Variants in METTL21C observed in about 807,000 individuals in gnomAD.
The protein encoded by METTL21C is methyltransferase 21C, AARS1 lysine, also known as protein-lysine methyltransferase METTL21C.
METTL21C carries 21 observed loss-of-function variants against 25.9 expected under a neutral mutation model. That is an observed-to-expected ratio of 0.81 (90% confidence interval 0.58 to 1.17). The LOEUF (loss-of-function observed/expected upper bound fraction) is 1.17. Ranked by LOEUF, METTL21C falls within the 50% of genes most tolerant of loss-of-function variation. The pLI is 0.00. For synonymous variants in METTL21C, 125 were observed against 124.7 expected (o/e 1.00, Z -0.01); for missense variants, 312 against 315.1 (o/e 0.99, Z 0.07).
upstream of METTL21C, among the ~76,000 whole-genome samples, chr13:102,699,847 C>T (rs1402075617): frequency 6.6e-6 from 1 of 152,160 alleles, no homozygotes; most frequent in Admixed American, 6.5e-5. Flanking sequence ...TGGGGGAGTC[C>T]CCTGAGAGCA....
At chr13:102,703,975 G>A in the METTL21C span, among the ~76,000 whole-genome samples, 2 of 152,090 alleles carry the variant, frequency 1.3e-5, no homozygotes, top group African/African-American at 4.8e-5. Flanking sequence ...AGACTTTATG[G>A]CTATCACATT....
At chr13:102,703,377 G>A in the METTL21C span, among the ~76,000 whole-genome samples, 2 of 152,230 alleles carry the variant, frequency 1.3e-5, no homozygotes, top group African/African-American at 2.4e-5. Flanking sequence ...TGCTGCCACA[G>A]TTAATTCATT....
chr13:102,696,154 C>T (rs1885943955), upstream of METTL21C, among the ~76,000 whole-genome samples: 1 of 151,878 alleles, frequency 6.6e-6, no homozygotes, highest in East Asian at 1.9e-4. Context: ...GAAACATGTA[C>T]CTCTTTAACC....
At chr13:102,701,730 G>A in the METTL21C span, among the ~76,000 whole-genome samples, 1 of 152,114 alleles carries the variant, frequency 6.6e-6, no homozygotes, top group Non-Finnish European at 1.5e-5. Flanking sequence ...ATATTAGTGG[G>A]AGCTGATAAA....
chr13:102,693,434 T>TCCCTG (rs776175726), intron 1 of METTL21C, among the ~76,000 whole-genome samples: 46 of 152,250 alleles, frequency 3.0e-4, no homozygotes, highest in Non-Finnish European at 6.0e-4. Flanking sequence ...CCTGCCGGCT[T>TCCCTG]CCCTGCCCTG....
chr13:102,693,676 C>G (rs1240018893), intron 1 of METTL21C, among the ~76,000 whole-genome samples: 1 of 152,186 alleles, frequency 6.6e-6, no homozygotes, highest in East Asian at 1.9e-4. Flanking sequence ...GGTTCTACAA[C>G]GATAAAGAAA....
At chr13:102,692,352 C>A (rs16960401) in intron 1 of METTL21C, among the ~76,000 whole-genome samples, 22,397 of 152,020 alleles carry the variant, frequency 0.15, 2,464 homozygotes, top group African/African-American at 0.31. Context: ...GAACAGTTCC[C>A]TGCCACTGCT....
rs189649442 is a variant in METTL21C at position 102,689,744 on chromosome 13, C to T, written c.282+1069G>A. On this transcript the variant is annotated intron_variant, in intron 2 of 3. Transcript: ENST00000267273. ...TGCACCCCAGTCGGGAGCTTTACCA[C>T]GCCAGCAGACTGGCCTGCGTTCCCA... Among the ~76,000 whole-genome samples, 7 of 152,324 alleles carry T rather than the reference C, an allele frequency of 4.6e-5. No individual in the cohort carries two copies. The East Asian group carries it at 5.8e-4, about 13-fold the overall frequency.
upstream of METTL21C, among the ~76,000 whole-genome samples, chr13:102,699,778 C>T (rs941419616): frequency 6.6e-6 from 1 of 151,208 alleles, no homozygotes; most frequent in Non-Finnish European, 1.5e-5. Flanking sequence ...TCCTGTCTGT[C>T]AAATGGTCCA....
intron 2 of METTL21C, 92 bp downstream of exon 2, chr13:102,690,721 G>A: frequency 6.9e-7 from 1 of 1,451,026 alleles, no homozygotes; most frequent in Non-Finnish European, 9.3e-7. Flanking sequence ...AGCAGGATAT[G>A]AAGGAACTTG....
intron 2 of METTL21C, among the ~76,000 whole-genome samples, chr13:102,690,416 A>G (rs546580959): frequency 2.7e-5 from 4 of 148,016 alleles, no homozygotes; most frequent in African/African-American, 9.9e-5. Context: ...GTGAGACTCC[A>G]TCTCAAAAGA....
At chr13:102,702,305 A>C in the METTL21C span, among the ~76,000 whole-genome samples, 4 of 152,144 alleles carry the variant, frequency 2.6e-5, no homozygotes, top group African/African-American at 4.8e-5. Context: ...TTCATTATTT[A>C]TACATAATAC....
intron 1 of METTL21C, 37 bp downstream of exon 1, chr13:102,694,332 T>C: frequency 6.3e-7 from 1 of 1,586,292 alleles, no homozygotes; most frequent in South Asian, 1.1e-5. Context: ...GGAAAACAAC[T>C]GAGGAAAACT....
chr13:102,701,278 C>G, the METTL21C span, among the ~76,000 whole-genome samples: 2 of 152,072 alleles, frequency 1.3e-5, no homozygotes, highest in Non-Finnish European at 2.9e-5. Context: ...AAATAAGTGG[C>G]CTAGATGCGC....
chr13:102,694,464 C>T lies in METTL21C; in HGVS notation c.35G>A (p.Gly12Glu), dbSNP rs1367057351. 6.9e-7 allele frequency: 1 copy of T among 1,457,420 alleles called. No homozygotes were observed. Among genetic ancestry groups the T allele is most frequent in the Non-Finnish European group, 9.0e-7 (1 of 1,112,090 alleles). 90.3% of individuals were successfully genotyped at this position (1,457,420 alleles called of 1,614,324 possible). ...GGAGCTGAGTCCTTCCCCCCGGCGCCCAGGCTGCTGCGCGGAGCTCAGACA... is the reference window on the plus strand; with the variant it reads ...GGAGCTGAGTCCTTCCCCCCGGCGCTCAGGCTGCTGCGCGGAGCTCAGACA... ...DVCLSSAQQP[G>E]RRGEGLSSPG... Residue 12 changes from glycine to glutamate, a missense_variant, in exon 1 of 4, where the codon GGG (glycine) becomes GAG (glutamate). Coordinates refer to ENST00000267273, the MANE Select transcript of METTL21C (RefSeq NM_001010977.3).
chr13:102,701,950 A>T, the METTL21C span, among the ~76,000 whole-genome samples: 350 of 152,178 alleles, frequency 2.3e-3, no homozygotes, highest in African/African-American at 8.2e-3. Flanking sequence ...AAATCACTTG[A>T]GATCAGGAGT....
chr13:102,687,368 C>A (rs1046437217), intron 2 of METTL21C, among the ~76,000 whole-genome samples: 1 of 152,232 alleles, frequency 6.6e-6, no homozygotes, highest in Non-Finnish European at 1.5e-5. Context: ...AGAACAGCAA[C>A]TCCTTCCACT....
upstream of METTL21C, among the ~76,000 whole-genome samples, chr13:102,696,038 T>A (rs996314633): frequency 1.3e-5 from 2 of 152,108 alleles, no homozygotes; most frequent in Non-Finnish European, 2.9e-5. Context: ...AATTCTACTA[T>A]CTAGAGAAAG....
chr13:102,692,245 G>C (rs1885849769), intron 1 of METTL21C, among the ~76,000 whole-genome samples: 1 of 152,088 alleles, frequency 6.6e-6, no homozygotes, highest in South Asian at 2.1e-4. Flanking sequence ...GAGGCAAAGG[G>C]AAGTGGGTCT....
Sources: gnomAD v4.1 joint callset for allele counts (sites outside exome capture counted in the v4.1 genomes callset) on GRCh38, gnomAD v4.1.1 for gene constraint, MANE v1.5 for transcripts, NCBI Gene and HGNC (gene_info 2026-07-23, HGNC 2026-07-21) for gene names.